Variants in ACTL8 observed in about 807,000 individuals in gnomAD.
ACTL8 encodes actin like 8, also known as actin-like protein 8.
In ACTL8, 3 loss-of-function variants were observed where a neutral mutation model predicts 9.3. That is an observed-to-expected ratio of 0.32 (90% confidence interval 0.15 to 0.83). ACTL8 has a LOEUF of 0.83. Ranked by LOEUF, ACTL8 falls within the 40% of genes least tolerant of loss-of-function variation. ACTL8 has a pLI of 0.57. For synonymous variants in ACTL8, 224 were observed against 205.9 expected, an observed-to-expected ratio of 1.09 and a Z score of -0.75; for missense variants, 381 against 492.2, an observed-to-expected ratio of 0.77 and a Z score of 2.14.
intron 1 of ACTL8, among the ~76,000 whole-genome samples, chr1:17,798,862 G>T (rs1224471363): frequency 6.6e-6 from 1 of 152,124 alleles, no homozygotes; most frequent in Non-Finnish European, 1.5e-5. Context: ...AAATAAGCAG[G>T]CGTTTGCCTT....
At chr1:17,822,629 A>C (rs912470136) in intron 1 of ACTL8, among the ~76,000 whole-genome samples, 2 of 152,170 alleles carry the variant, frequency 1.3e-5, no homozygotes, top group Non-Finnish European at 2.9e-5. Context: ...CCAAGTGGCA[A>C]GCTTCTTGCT....
chr1:17,763,778 A>G (rs2066024311), intron 1 of ACTL8, among the ~76,000 whole-genome samples: 1 of 152,094 alleles, frequency 6.6e-6, no homozygotes, highest in Admixed American at 6.5e-5. Flanking sequence ...GCAGAAAAGG[A>G]TGAGCGGTTG....
chr1:17,767,051 C>T lies in ACTL8; in HGVS notation c.-25+11547C>T, dbSNP rs900697019. On this transcript the variant is annotated intron_variant, in intron 1 of 2. Transcript: ENST00000375406. The surrounding 1 kb of genome is among the most constrained non-coding windows in gnomAD (Gnocchi z 4.7). Reference sequence around the variant, plus strand: ...GAACTATGGAGAACAATGAATGGAACGGGAACAGAGAGTGATGAAGAAGGT... The same window carrying T: ...GAACTATGGAGAACAATGAATGGAATGGGAACAGAGAGTGATGAAGAAGGT... Among the ~76,000 whole-genome samples the T allele has an allele frequency of 6.6e-6, 1 of 152,106 alleles. No homozygotes were observed. The highest frequency in any genetic ancestry group is 2.4e-5 in the African/African-American group (1 of 41,460).
chr1:17,805,476 G>A (rs2066353980), intron 1 of ACTL8, among the ~76,000 whole-genome samples: 1 of 147,662 alleles, frequency 6.8e-6, no homozygotes, highest in Non-Finnish European at 1.5e-5. Flanking sequence ...ACCTCTGCTG[G>A]GTTCAAGCGA....
intron 1 of ACTL8, among the ~76,000 whole-genome samples, chr1:17,793,801 C>T (rs2066258394): frequency 6.6e-6 from 1 of 152,202 alleles, no homozygotes; most frequent in Non-Finnish European, 1.5e-5. Context: ...GTCACCTCTC[C>T]TGGCCCATGC....
intron 1 of ACTL8, among the ~76,000 whole-genome samples, chr1:17,764,785 G>C (rs909273357): frequency 6.6e-6 from 1 of 152,166 alleles, no homozygotes; most frequent in Non-Finnish European, 1.5e-5. Flanking sequence ...CTGGCTCCCC[G>C]GGGGAGTTCA....
intron 1 of ACTL8, among the ~76,000 whole-genome samples, chr1:17,814,124 C>A (rs536666598): frequency 1.3e-5 from 2 of 152,260 alleles, no homozygotes; most frequent in South Asian, 4.1e-4. Context: ...TTTGATCAAC[C>A]ACAGATGGCA....
At chr1:17,759,707 A>C (rs986239178) in intron 1 of ACTL8, among the ~76,000 whole-genome samples, 1 of 152,156 alleles carries the variant, frequency 6.6e-6, no homozygotes. Flanking sequence ...GGGCTCTGCC[A>C]TAACGCTGGA....
chr1:17,798,337 T>C (rs1190713956), intron 1 of ACTL8, among the ~76,000 whole-genome samples: 2 of 151,728 alleles, frequency 1.3e-5, no homozygotes, highest in Non-Finnish European at 2.9e-5. Context: ...AATGCAGAAT[T>C]AGAATAGGTG....
At chr1:17,756,936 A>G (rs11810020) in intron 1 of ACTL8, among the ~76,000 whole-genome samples, 2,746 of 152,264 alleles carry the variant, frequency 0.018, 80 homozygotes, top group African/African-American at 0.063. Context: ...CCTGTCTTCA[A>G]GGAACCAGAT....
intron 1 of ACTL8, among the ~76,000 whole-genome samples, chr1:17,784,517 T>G (rs1362173105): frequency 6.6e-6 from 1 of 152,222 alleles, no homozygotes; most frequent in African/African-American, 2.4e-5. Flanking sequence ...AAGAATGATT[T>G]GTCATAACCC....
rs367879820 is a variant in ACTL8 at position 17,822,631 on chromosome 1, C to G, written c.-24-354C>G. ...CTACAAGGACTTCCCAAGTGGCAAG[C>G]TTCTTGCTGAGTCTGCCAAGAGTAA... On this transcript the variant is annotated intron_variant, in intron 1 of 2. Transcript: ENST00000375406. 2.7e-4 allele frequency among the ~76,000 whole-genome samples: 41 copies of G among 152,316 alleles called. No individual in the cohort carries two copies. In the East Asian group the frequency reaches 3.5e-3, roughly 13 times the overall value.
At chr1:17,786,224 C>T (rs571197573) in intron 1 of ACTL8, among the ~76,000 whole-genome samples, 7 of 152,300 alleles carry the variant, frequency 4.6e-5, no homozygotes, top group South Asian at 2.1e-4. Context: ...TAGAATGAAA[C>T]GCCATCACAG....
intron 1 of ACTL8, among the ~76,000 whole-genome samples, chr1:17,809,903 T>C (rs1313589111): frequency 6.6e-6 from 1 of 152,188 alleles, no homozygotes; most frequent in South Asian, 2.1e-4. Context: ...TCCAGGTCTG[T>C]GGAAAAATTA....
At chr1:17,781,257 T>C (rs553258044) in intron 1 of ACTL8, among the ~76,000 whole-genome samples, 399 of 148,826 alleles carry the variant, frequency 2.7e-3, no homozygotes, top group Non-Finnish European at 4.5e-3. Flanking sequence ...TTTTTTTTAA[T>C]GGAGACAGAG....
rs1166087866 is a variant in ACTL8, at chr1:17,825,993, A to G, written c.575A>G (p.Asp192Gly). 10 of 1,608,420 alleles carry G rather than the reference A, an allele frequency of 6.2e-6. No individual in the cohort carries two copies. In the East Asian group the frequency reaches 1.8e-4, roughly 29 times the overall value. ...AYLLKSLFKE[D>G]CDRRCLFQLE... ...CTCCTCAAGAGTCTCTTTAAGGAAGATTGCGATAGACGCTGCCTGTTTCAG... is the reference window on the plus strand; with the variant it reads ...CTCCTCAAGAGTCTCTTTAAGGAAGGTTGCGATAGACGCTGCCTGTTTCAG... Residue 192 changes from aspartate (D) to glycine (G), a missense_variant, in exon 3 of 3, where the codon GAT (aspartate) becomes GGT (glycine). Physicochemically the swap from Asp to Gly is moderately conservative, Grantham distance 94. Transcript: ENST00000375406.
chr1:17,790,187 AG>A, intron 1 of ACTL8, among the ~76,000 whole-genome samples: 1 of 152,320 alleles, frequency 6.6e-6, no homozygotes, highest in Middle Eastern at 3.4e-3. Context: ...GGCACTCGGA[AG>A]CTTGGAGATG....
intron 1 of ACTL8, among the ~76,000 whole-genome samples, chr1:17,814,958 G>A (rs604800): frequency 0.36 from 53,551 of 149,446 alleles, 10,519 homozygotes; most frequent in East Asian, 0.44. Flanking sequence ...CCAACAGTAC[G>A]TACTATTATT....
chr1:17,778,480 A>T (rs2066131303), intron 1 of ACTL8, among the ~76,000 whole-genome samples: 1 of 152,042 alleles, frequency 6.6e-6, no homozygotes, highest in Admixed American at 6.6e-5. Flanking sequence ...GGCTGAAAGC[A>T]TGTTGTCGGG....
Sources: allele counts gnomAD v4.1 joint callset (sites outside exome capture counted in the v4.1 genomes callset), GRCh38; gene constraint gnomAD v4.1.1; non-coding constraint Gnocchi (gnomAD v3.1); transcripts MANE v1.5; gene names NCBI Gene and HGNC (gene_info 2026-07-23, HGNC 2026-07-21).